Variants in IMMP2L observed in about 807,000 individuals in gnomAD.
The protein encoded by IMMP2L is mitochondrial inner membrane protease subunit 2.
Under a neutral mutation model 19.3 loss-of-function variants are expected in IMMP2L, and 18 were observed. That is an observed-to-expected ratio of 0.93 (90% CI 0.64 to 1.38). The LOEUF is 1.38. Ranked by LOEUF, IMMP2L falls within the 40% of genes most tolerant of loss-of-function variation. The pLI, the probability that IMMP2L is intolerant of heterozygous loss-of-function variation, is 0.00. For synonymous variants in IMMP2L, 76 were observed against 73.0 expected (o/e 1.04, Z -0.21); for missense variants, 233 against 218.2 (o/e 1.07, Z -0.43).
At chr7:111,558,665 G>C (rs1469421030) in intron 1 of IMMP2L, among the ~76,000 whole-genome samples, 6 of 152,104 alleles carry the variant, frequency 3.9e-5, no homozygotes, top group Non-Finnish European at 8.8e-5. Context: ...TGGCACTCAG[G>C]AGACACTTAC....
intron 5 of IMMP2L, among the ~76,000 whole-genome samples, chr7:110,703,976 G>T (rs112721398): frequency 5.9e-5 from 9 of 151,878 alleles, no homozygotes; most frequent in African/African-American, 2.2e-4. Context: ...CTCCCGAGTA[G>T]CTGGGACTAC....
intron 3 of IMMP2L, among the ~76,000 whole-genome samples, chr7:111,364,431 T>C (rs1829569108): frequency 6.6e-6 from 1 of 152,168 alleles, no homozygotes; most frequent in South Asian, 2.1e-4. Context: ...AATTACATAA[T>C]GTGTCTTAGT....
chr7:111,231,903 CG>C (rs1314225139), intron 3 of IMMP2L, among the ~76,000 whole-genome samples: 10 of 151,728 alleles, frequency 6.6e-5, no homozygotes, highest in Non-Finnish European at 1.5e-4. Context: ...TAAAAATCAC[CG>C]CCAAATTTCA....
intron 5 of IMMP2L, among the ~76,000 whole-genome samples, chr7:110,867,680 T>C (rs936971665): frequency 3.9e-5 from 6 of 152,018 alleles, no homozygotes; most frequent in Admixed American, 3.9e-4. Flanking sequence ...GATTTCACCT[T>C]GGATCAGGTT....
At chr7:111,151,287 A>G (rs1488457607) in intron 3 of IMMP2L, among the ~76,000 whole-genome samples, 1 of 152,184 alleles carries the variant, frequency 6.6e-6, no homozygotes, top group African/African-American at 2.4e-5. Flanking sequence ...ACATCTTTAA[A>G]ATGTCTAGAA....
intron 3 of IMMP2L, among the ~76,000 whole-genome samples, chr7:111,098,799 G>C (rs898203143): frequency 7.2e-5 from 11 of 151,738 alleles, no homozygotes; most frequent in Admixed American, 5.9e-4. Flanking sequence ...ACCTAGGTTA[G>C]TTAGCTCGAA....
chr7:111,000,159 G>A (rs915711492), intron 3 of IMMP2L, among the ~76,000 whole-genome samples: 1 of 152,140 alleles, frequency 6.6e-6, no homozygotes, highest in Admixed American at 6.6e-5. Flanking sequence ...GGAGAGGAAT[G>A]GAGGCAATTT....
At chr7:110,914,987 G>C (rs1171734729) in intron 4 of IMMP2L, among the ~76,000 whole-genome samples, 1 of 152,106 alleles carries the variant, frequency 6.6e-6, no homozygotes, top group Non-Finnish European at 1.5e-5. Context: ...TGTACACTTG[G>C]TGGGAATGTA....
chr7:111,557,664 T>C (rs972800561), intron 1 of IMMP2L, among the ~76,000 whole-genome samples: 5 of 152,176 alleles, frequency 3.3e-5, no homozygotes, highest in African/African-American at 9.6e-5. Flanking sequence ...ACCTCTGTTA[T>C]AGCAAATAGC....
At chr7:110,724,948 C>T (rs1324669116) in intron 5 of IMMP2L, among the ~76,000 whole-genome samples, 4 of 152,088 alleles carry the variant, frequency 2.6e-5, no homozygotes, top group Non-Finnish European at 4.4e-5. Flanking sequence ...TTTCCAAGTA[C>T]AATTCATTTA....
chr7:110,667,839 T>C (rs970383383), intron 5 of IMMP2L, among the ~76,000 whole-genome samples: 6 of 152,168 alleles, frequency 3.9e-5, no homozygotes, highest in Non-Finnish European at 8.8e-5. Flanking sequence ...AATAGGAAAC[T>C]GAAACAAAAA....
At chr7:110,846,986 G>T (rs1170077647) in intron 5 of IMMP2L, among the ~76,000 whole-genome samples, 3 of 152,040 alleles carry the variant, frequency 2.0e-5, no homozygotes, top group Admixed American at 2.0e-4. Context: ...TAGAACTAAA[G>T]TTTCTTCAGT....
intron 5 of IMMP2L, among the ~76,000 whole-genome samples, chr7:110,849,272 T>A (rs1465852047): frequency 6.6e-6 from 1 of 152,154 alleles, no homozygotes; most frequent in Non-Finnish European, 1.5e-5. Flanking sequence ...AAACTCAGTG[T>A]ACATATCTAT....
intron 1 of IMMP2L, among the ~76,000 whole-genome samples, chr7:111,521,831 G>A (rs1402259839): frequency 6.6e-6 from 1 of 152,106 alleles, no homozygotes; most frequent in Non-Finnish European, 1.5e-5. Context: ...AGTGGAACAT[G>A]TGGCTGCCCA....
At chr7:111,411,889 T>G (rs981837568) in intron 3 of IMMP2L, 2 of 193,150 alleles carry the variant, frequency 1.0e-5, no homozygotes, top group Non-Finnish European at 2.2e-5. Flanking sequence ...AATAGACCCA[T>G]GTACAATGGA....
At chr7:110,991,517 A>T (rs1179804987) in intron 3 of IMMP2L, among the ~76,000 whole-genome samples, 1 of 151,674 alleles carries the variant, frequency 6.6e-6, no homozygotes, top group Admixed American at 6.6e-5. Context: ...AACATTAAAA[A>T]CCCTCATTTC....
intron 3 of IMMP2L, among the ~76,000 whole-genome samples, chr7:111,236,695 A>G (rs1182603118): frequency 6.6e-6 from 1 of 151,988 alleles, no homozygotes; most frequent in African/African-American, 2.4e-5. Flanking sequence ...AACTCTAGCC[A>G]CCTGGACTTC....
chr7:110,939,869 A>G (rs1238850971), intron 4 of IMMP2L, among the ~76,000 whole-genome samples: 1 of 152,140 alleles, frequency 6.6e-6, no homozygotes, highest in Non-Finnish European at 1.5e-5. Context: ...AAAGAAGGGA[A>G]CCCAATGCTA....
At chr7:111,375,129 A>G (rs1282685624) in intron 3 of IMMP2L, among the ~76,000 whole-genome samples, 1 of 152,016 alleles carries the variant, frequency 6.6e-6, no homozygotes, top group Non-Finnish European at 1.5e-5. Flanking sequence ...TCAGGATGTA[A>G]ACTATAGACT....
Sources: allele counts gnomAD v4.1 joint callset (sites outside exome capture counted in the v4.1 genomes callset), GRCh38; gene constraint gnomAD v4.1.1; transcripts MANE v1.5; gene names NCBI Gene and HGNC (gene_info 2026-07-23, HGNC 2026-07-21).